Variants in KALRN observed in about 807,000 individuals in gnomAD.
KALRN encodes the protein kalirin RhoGEF kinase, also known as kalirin.
In KALRN, 70 loss-of-function variants were observed where a neutral mutation model predicts 353.7. The observed-to-expected ratio is 0.20, with a 90% confidence interval of 0.16 to 0.24. The LOEUF (loss-of-function observed/expected upper bound fraction) is 0.24, where lower values mean the gene tolerates loss of function less well. Ranked by LOEUF, KALRN falls within the 10% of genes least tolerant of loss-of-function variation. The pLI, the probability that KALRN is intolerant of heterozygous loss-of-function variation, is 1.00. For missense variants in KALRN, 2,791 were observed against 3,756.7 expected, an observed-to-expected ratio of 0.74 and a Z score of 6.72; for synonymous variants, 1,391 against 1,434.8, an observed-to-expected ratio of 0.97 and a Z score of 0.69.
At chr3:124,309,920 T>G (rs1304031648) in intron 6 of KALRN, among the ~76,000 whole-genome samples, 1 of 152,176 alleles carries the variant, frequency 6.6e-6, no homozygotes, top group African/African-American at 2.4e-5. Flanking sequence ...GAGGGTCTAT[T>G]CAGGGCAATT....
At chr3:124,705,807 C>T (rs148632662) in intron 57 of KALRN, among the ~76,000 whole-genome samples, 1,903 of 149,926 alleles carry the variant, frequency 0.013, 11 homozygotes, top group Middle Eastern at 0.027. Context: ...TCCCTCCCTT[C>T]CTTCCTTCCT....
intron 1 of KALRN, among the ~76,000 whole-genome samples, chr3:124,120,569 G>A (rs2063877440): frequency 1.3e-5 from 2 of 151,868 alleles, no homozygotes; most frequent in South Asian, 4.1e-4. Flanking sequence ...CCCATTTCTA[G>A]CAGAATTACT....
At chr3:124,534,970 A>G (rs1427840145) in intron 33 of KALRN, among the ~76,000 whole-genome samples, 1 of 152,142 alleles carries the variant, frequency 6.6e-6, no homozygotes, top group Non-Finnish European at 1.5e-5. Context: ...GTTTCTAGCC[A>G]GAGTAAAAAA....
At chr3:124,421,200 G>A (rs1195963738) in intron 14 of KALRN, among the ~76,000 whole-genome samples, 2 of 152,190 alleles carry the variant, frequency 1.3e-5, no homozygotes, top group Non-Finnish European at 2.9e-5. Flanking sequence ...AAGTAGTTCA[G>A]AGTTAGGATT....
rs550270482 is a variant in KALRN at position 124,383,976 on chromosome 3, A to T, written c.1771-869A>T. ...ATACTTAGAAATATATGTACACCTG[A>T]GTCACCAGCTCTAAGTCAGGACATA... On this transcript the variant is annotated intron_variant, in intron 10 of 59. Transcript: ENST00000682506. 2.0e-5 allele frequency among the ~76,000 whole-genome samples: 3 copies of T among 152,306 alleles called. No homozygotes were observed. In the East Asian group the frequency reaches 5.8e-4, roughly 29 times the overall value.
At chr3:124,466,038 G>C (rs1355105462) in intron 25 of KALRN, among the ~76,000 whole-genome samples, 6 of 16,642 alleles carry the variant, frequency 3.6e-4, no homozygotes, top group Non-Finnish European at 1.8e-3. Flanking sequence ...CTTGCTCTGT[G>C]TGTGTGTGTG....
chr3:124,601,232 G>A (rs1051650382), intron 34 of KALRN, among the ~76,000 whole-genome samples: 5 of 152,234 alleles, frequency 3.3e-5, no homozygotes, highest in Non-Finnish European at 7.3e-5. Flanking sequence ...GTATCACTTA[G>A]GGTAGTTCCT....
chr3:124,528,248 A>G, intron 33 of KALRN, among the ~76,000 whole-genome samples: 1 of 152,198 alleles, frequency 6.6e-6, no homozygotes, highest in East Asian at 1.9e-4. Context: ...GCTTTATCAC[A>G]AATAGGACAG....
intron 57 of KALRN, among the ~76,000 whole-genome samples, chr3:124,706,652 A>G (rs113801012): frequency 0.011 from 1,737 of 151,322 alleles, 27 homozygotes; most frequent in African/African-American, 0.039. Context: ...TCACTGCAAC[A>G]TCTACCTCCC....
intron 37 of KALRN, among the ~76,000 whole-genome samples, chr3:124,645,568 C>T (rs943999272): frequency 9.2e-5 from 14 of 152,038 alleles, no homozygotes; most frequent in Non-Finnish European, 1.8e-4. Flanking sequence ...TTTCCCAACA[C>T]CATTTATTAC....
At chr3:124,340,034 C>G (rs961194774) in intron 9 of KALRN, among the ~76,000 whole-genome samples, 1 of 152,104 alleles carries the variant, frequency 6.6e-6, no homozygotes, top group Non-Finnish European at 1.5e-5. Flanking sequence ...ATTCACTTAC[C>G]CATTTATTCA....
intron 10 of KALRN, among the ~76,000 whole-genome samples, chr3:124,368,104 C>T (rs1367403054): frequency 7.7e-5 from 4 of 51,774 alleles, no homozygotes; most frequent in Non-Finnish European, 7.8e-5. Context: ...ACCCCCCCAC[C>T]TCCCTCCCGG....
chr3:124,311,953 A>G (rs2078308624), intron 6 of KALRN, among the ~76,000 whole-genome samples: 1 of 152,200 alleles, frequency 6.6e-6, no homozygotes, highest in Admixed American at 6.5e-5. Context: ...GAATAGGCAA[A>G]CCTTTAAAGA....
At chr3:124,570,735 G>A (rs1417468862) in intron 34 of KALRN, among the ~76,000 whole-genome samples, 1 of 152,156 alleles carries the variant, frequency 6.6e-6, no homozygotes, top group Admixed American at 6.5e-5. Flanking sequence ...ATCATAAAAA[G>A]TTAGAGTTGA....
chr3:124,349,086 G>A (rs2082580124), intron 10 of KALRN, among the ~76,000 whole-genome samples: 1 of 152,212 alleles, frequency 6.6e-6, no homozygotes. Context: ...AATGTCCATT[G>A]ACGGATGCAT....
At chr3:124,241,688 G>C (rs1232086602) in intron 3 of KALRN, among the ~76,000 whole-genome samples, 1 of 152,206 alleles carries the variant, frequency 6.6e-6, no homozygotes, top group Non-Finnish European at 1.5e-5. Flanking sequence ...GTCTGGGGAA[G>C]TCTAGCATGT....
chr3:124,679,821 C>T (rs564388789), intron 51 of KALRN: 4 of 434,932 alleles, frequency 9.2e-6, no homozygotes, highest in African/African-American at 6.0e-5. Context: ...TTATTTGAAA[C>T]TTAGAACACA....
chr3:124,479,790 C>G (rs1241008672), intron 27 of KALRN, among the ~76,000 whole-genome samples: 1 of 141,398 alleles, frequency 7.1e-6, no homozygotes, highest in African/African-American at 2.6e-5. Context: ...GTGGCGCGAT[C>G]TCGGCTCACT....
intron 5 of KALRN, among the ~76,000 whole-genome samples, chr3:124,272,808 G>A (rs916514518): frequency 2.0e-5 from 3 of 152,184 alleles, no homozygotes; most frequent in Admixed American, 6.5e-5. Flanking sequence ...AAATATCTGC[G>A]CGGAGCTAAG....
Sources: gnomAD v4.1 joint callset for allele counts (sites outside exome capture counted in the v4.1 genomes callset) on GRCh38, gnomAD v4.1.1 for gene constraint, MANE v1.5 for transcripts, NCBI Gene and HGNC (gene_info 2026-07-23, HGNC 2026-07-21) for gene names.